Variants in ANKS3 observed in about 807,000 individuals in gnomAD.
ANKS3 encodes ankyrin repeat and SAM domain-containing protein 3.
Under a neutral mutation model 80.7 loss-of-function variants are expected in ANKS3, and 62 were observed. That is an observed-to-expected ratio of 0.77 (90% CI 0.63 to 0.95). The LOEUF (loss-of-function observed/expected upper bound fraction) is 0.95, where lower values mean the gene tolerates loss of function less well. ANKS3 is among the 40% of genes least tolerant of loss of function. The pLI is 0.00. For missense variants in ANKS3, 1,150 were observed against 883.6 expected (o/e 1.30, Z -3.82); for synonymous variants, 489 against 355.3 (o/e 1.38, Z -4.23).
At chr16:4,701,387 C>T (rs747944393) in intron 10 of ANKS3, 47 bp downstream of exon 10, 1 of 1,516,246 alleles carries the variant, frequency 6.6e-7, no homozygotes, top group Non-Finnish European at 8.9e-7. Flanking sequence ...GTCAGGCATC[C>T]CAGCCAGGGA....
At chr16:4,726,308 T>C (rs1395732939) in intron 5 of ANKS3, among the ~76,000 whole-genome samples, 1 of 135,412 alleles carries the variant, frequency 7.4e-6, no homozygotes, top group Admixed American at 7.5e-5. Context: ...CCTCACCTCA[T>C]CCATACAAAA....
chr16:4,721,240 G>C (rs909924546), intron 6 of ANKS3, among the ~76,000 whole-genome samples: 1 of 150,252 alleles, frequency 6.7e-6, no homozygotes, highest in African/African-American at 2.4e-5. Context: ...GGAAGTCTGA[G>C]GTTGCAGTGA....
intron 6 of ANKS3, among the ~76,000 whole-genome samples, chr16:4,716,115 T>C (rs1482904797): frequency 6.6e-6 from 1 of 151,874 alleles, no homozygotes; most frequent in African/African-American, 2.4e-5. Flanking sequence ...CCCAGCACTT[T>C]GGGAGGCCGA....
At chr16:4,698,719 A>C in intron 13 of ANKS3, 81 bp downstream of exon 13, 1 of 1,547,376 alleles carries the variant, frequency 6.5e-7, no homozygotes, top group South Asian at 1.2e-5. Flanking sequence ...ACCCCTCCAC[A>C]CAGCACCCAC....
intron 7 of ANKS3, 57 bp from the exon 8 acceptor site, chr16:4,705,310 T>C (rs2080125456): frequency 6.4e-7 from 1 of 1,563,236 alleles, no homozygotes; most frequent in Admixed American, 1.9e-5. Flanking sequence ...CATTTACTAA[T>C]CCTTACGGCA....
At chr16:4,700,754 G>C (rs767267948) in intron 11 of ANKS3, 2 of 755,304 alleles carry the variant, frequency 2.6e-6, no homozygotes, top group Admixed American at 3.8e-5. Flanking sequence ...AGGGAGACAG[G>C]TCCTTTCCGT....
intron 15 of ANKS3, 115 bp from the exon 16 acceptor site, chr16:4,697,531 G>C: frequency 1.2e-6 from 1 of 834,616 alleles, no homozygotes; most frequent in East Asian, 2.8e-5. Context: ...CTCCCTACCC[G>C]CCTGACAGTG....
At chr16:4,731,749 G>C (rs1443058588) in intron 1 of ANKS3, among the ~76,000 whole-genome samples, 170 bp from the exon 2 acceptor site, 1 of 152,166 alleles carries the variant, frequency 6.6e-6, no homozygotes, top group Non-Finnish European at 1.5e-5. Context: ...AATCCACTTA[G>C]GCATCCTTTG....
intron 7 of ANKS3, among the ~76,000 whole-genome samples, chr16:4,709,997 C>T (rs1482048613): frequency 2.6e-5 from 4 of 152,030 alleles, no homozygotes; most frequent in African/African-American, 4.8e-5. Flanking sequence ...GGTGACAAAG[C>T]GAGAACCTGT....
Position 4,697,410 on chromosome 16 carries a change from T to G in ANKS3, c.1817A>C (p.Lys606Thr), listed in dbSNP as rs538463432. ...GGCCTGCAGGGACGCTTGCCAGCCC[T>G]TGGAGTCTGTGGTGCAGGTGCAGGG... ...LGLAVPPADS[K>T]GWQASLQAMS... The change falls in exon 16 of 18, where the codon AAG (lysine) becomes ACG (threonine). Residue 606 changes from lysine (K) to threonine (T), a missense_variant. By Grantham distance (78) the Lys-to-Thr change is moderately conservative (BLOSUM62 -1). Coordinates refer to ENST00000304283, the MANE Select transcript of ANKS3 (RefSeq NM_133450.4). 1 of 1,604,696 alleles carries G rather than the reference T, an allele frequency of 6.2e-7. No individual in the cohort carries two copies. The highest frequency in any genetic ancestry group is 8.5e-7 in the Non-Finnish European group (1 of 1,176,162).
chr16:4,727,408 T>C (rs2081409169), intron 3 of ANKS3: 1 of 585,062 alleles, frequency 1.7e-6, no homozygotes, highest in African/African-American at 1.9e-5. Context: ...TTTCGCATCC[T>C]CCTAGCCCAA....
rs2079768247 is a variant in ANKS3 at position 4,699,250 on chromosome 16, G to A, written c.1285-74C>T. ...GCAGAGACGTTTTCCTCCACTCGGA[G>A]CCCCACCACTTCCCCAGGCTCAGAA... On this transcript the variant is annotated intron_variant, in intron 11 of 17. Transcript: ENST00000304283. 5 of 1,550,152 alleles carry A rather than the reference G, an allele frequency of 3.2e-6. No individual in the cohort carries two copies. The Admixed American group carries it at 5.7e-5, about 18-fold the overall frequency.
chr16:4,705,792 A>G (rs1280701874), intron 7 of ANKS3, among the ~76,000 whole-genome samples: 2 of 152,106 alleles, frequency 1.3e-5, no homozygotes, highest in African/African-American at 4.8e-5. Context: ...GGTTTGCCAA[A>G]TTGTTCATAA....
intron 15 of ANKS3, 38 bp downstream of exon 15, chr16:4,697,939 C>A (rs2079664731): frequency 6.8e-7 from 1 of 1,476,826 alleles, no homozygotes; most frequent in Non-Finnish European, 9.0e-7. Context: ...CCCCCACCTT[C>A]CCCTCTGCCC....
At chr16:4,710,265 A>C (rs2142072020) in intron 7 of ANKS3, among the ~76,000 whole-genome samples, 1 of 152,332 alleles carries the variant, frequency 6.6e-6, no homozygotes, top group African/African-American at 2.4e-5. Flanking sequence ...CATGATTTTA[A>C]ATGTTCTCAC....
At chr16:4,697,181 C>A in intron 16 of ANKS3, 77 bp from the exon 17 acceptor site, 1 of 1,570,792 alleles carries the variant, frequency 6.4e-7, no homozygotes, top group Non-Finnish European at 8.7e-7. Flanking sequence ...GTCTCAGCTG[C>A]AGGATGTGAC....
chr16:4,726,559 G>A (rs1428752730), intron 5 of ANKS3, 100 bp downstream of exon 5: 7 of 1,317,392 alleles, frequency 5.3e-6, no homozygotes, highest in African/African-American at 1.5e-5. Context: ...TGCCGAAGCA[G>A]GGTGGCCCTA....
At chr16:4,716,780 G>C (rs1436995140) in intron 6 of ANKS3, among the ~76,000 whole-genome samples, 1 of 151,894 alleles carries the variant, frequency 6.6e-6, no homozygotes, top group Non-Finnish European at 1.5e-5. Flanking sequence ...GCCAGGTGTG[G>C]TGGTGCGTGC....
chr16:4,714,296 CCT>C lies in ANKS3; in HGVS notation c.574-112_574-111del, dbSNP rs1555471337. On this transcript the variant is annotated intron_variant, in intron 6 of 17. Coordinates refer to ENST00000304283, the MANE Select transcript of ANKS3 (RefSeq NM_133450.4). ...GCATATGCTGGTTTCTGACTGCCTCCCTGTGTGGGAAACATCACATCTGCATG... is the reference window on the plus strand; with the variant it reads ...GCATATGCTGGTTTCTGACTGCCTCCGTGTGGGAAACATCACATCTGCATG... 8.9e-6 allele frequency: 13 copies of C among 1,461,792 alleles called. No homozygotes were observed. In the East Asian group the frequency reaches 2.1e-4, roughly 23 times the overall value. 90.6% of individuals were successfully genotyped at this position (1,461,792 alleles called of 1,614,324 possible).
Sources: allele counts gnomAD v4.1 joint callset (sites outside exome capture counted in the v4.1 genomes callset), GRCh38; gene constraint gnomAD v4.1.1; transcripts MANE v1.5; gene names NCBI Gene and HGNC (gene_info 2026-07-23, HGNC 2026-07-21).